Variants in PRKD1 observed in about 807,000 individuals in gnomAD.
PRKD1 encodes serine/threonine-protein kinase D1.
A neutral mutation model predicts 95.9 loss-of-function variants in PRKD1; 63 were observed. That is an observed-to-expected ratio of 0.66 (90% CI 0.54 to 0.81). The LOEUF (loss-of-function observed/expected upper bound fraction) is 0.81, where lower values mean the gene tolerates loss of function less well. Among genes scored for constraint, PRKD1 ranks in the 30% least tolerant of loss-of-function variants. The pLI, the probability that PRKD1 is intolerant of heterozygous loss-of-function variation, is 0.00. For missense variants in PRKD1, 1,048 were observed against 1,165.3 expected, an observed-to-expected ratio of 0.90 and a Z score of 1.47; for synonymous variants, 425 against 423.1, an observed-to-expected ratio of 1.00 and a Z score of -0.05.
chr14:29,610,273 A>G (rs1878363081), intron 13 of PRKD1, among the ~76,000 whole-genome samples: 1 of 152,224 alleles, frequency 6.6e-6, no homozygotes, highest in African/African-American at 2.4e-5. Context: ...TGTCTTTGTG[A>G]TATAGAACTA....
intron 1 of PRKD1, among the ~76,000 whole-genome samples, chr14:29,909,980 A>G (rs957208101): frequency 6.6e-6 from 1 of 152,168 alleles, no homozygotes; most frequent in Non-Finnish European, 1.5e-5. Context: ...AAAACAGACC[A>G]ATCAGCTCTC....
Position 29,663,691 on chromosome 14 carries a change from A to T in PRKD1, c.696+8T>A. ...TAAATGGGGAAGTGGGTAAACAGGAAGCCATACCAGAAGGGGCTCATCAGG... is the reference window on the plus strand; with the variant it reads ...TAAATGGGGAAGTGGGTAAACAGGATGCCATACCAGAAGGGGCTCATCAGG... On this transcript the variant is annotated splice_region_variant and intron_variant, in intron 4 of 17. Coordinates refer to ENST00000331968, the MANE Select transcript of PRKD1 (RefSeq NM_002742.3). 1 of 1,612,964 alleles carries T rather than the reference A, an allele frequency of 6.2e-7. No homozygotes were observed. The highest frequency in any genetic ancestry group is 2.2e-5 in the East Asian group (1 of 44,838).
intron 1 of PRKD1, among the ~76,000 whole-genome samples, chr14:29,778,453 G>T (rs983786920): frequency 6.6e-6 from 1 of 152,052 alleles, no homozygotes; most frequent in African/African-American, 2.4e-5. Context: ...TGATAACAGG[G>T]TTATCACCAC....
chr14:29,622,389 T>TTCCTTCCTTCC (rs1566492875), intron 13 of PRKD1, among the ~76,000 whole-genome samples: 1 of 13,130 alleles, frequency 7.6e-5, no homozygotes, highest in Admixed American at 6.8e-4. Flanking sequence ...TCCTTCCTTC[T>TTCCTTCCTTCC]TTCCTTCCTT....
At chr14:29,699,833 C>A (rs1884738091) in intron 2 of PRKD1, among the ~76,000 whole-genome samples, 1 of 152,120 alleles carries the variant, frequency 6.6e-6, no homozygotes, top group Admixed American at 6.5e-5. Flanking sequence ...ACAAATATAT[C>A]TCTTTCTGGA....
intron 1 of PRKD1, among the ~76,000 whole-genome samples, chr14:29,905,267 A>G (rs573009991): frequency 2.8e-4 from 43 of 152,194 alleles, no homozygotes; most frequent in African/African-American, 1.0e-3. Context: ...CATCATCAAG[A>G]GGGCCGGAAC....
intron 1 of PRKD1, among the ~76,000 whole-genome samples, chr14:29,747,257 G>A (rs1887267101): frequency 6.6e-6 from 1 of 152,082 alleles, no homozygotes; most frequent in African/African-American, 2.4e-5. Context: ...CATTAACAGT[G>A]CTAGGATGGC....
At chr14:29,923,997 T>C (rs1014690259) in intron 1 of PRKD1, among the ~76,000 whole-genome samples, 1 of 152,102 alleles carries the variant, frequency 6.6e-6, no homozygotes, top group South Asian at 2.1e-4. Context: ...CAAAGTGAAG[T>C]CAATGATTGT....
chr14:29,810,177 A>C (rs2139240614), intron 1 of PRKD1, among the ~76,000 whole-genome samples: 1 of 152,332 alleles, frequency 6.6e-6, no homozygotes, highest in Non-Finnish European at 1.5e-5. Context: ...AGATCACCAT[A>C]AAAATATAAT....
intron 1 of PRKD1, among the ~76,000 whole-genome samples, chr14:29,813,422 T>C (rs1471864519): frequency 6.6e-6 from 1 of 152,156 alleles, no homozygotes; most frequent in East Asian, 1.9e-4. Flanking sequence ...ACAAATATAA[T>C]AGGGAAAATC....
intron 13 of PRKD1, among the ~76,000 whole-genome samples, chr14:29,600,146 A>G (rs1320427729): frequency 6.6e-6 from 1 of 152,174 alleles, no homozygotes; most frequent in African/African-American, 2.4e-5. Context: ...TATTAAACAT[A>G]TTGTCCTAAC....
At chr14:29,839,479 C>A (rs1305057733) in intron 1 of PRKD1, among the ~76,000 whole-genome samples, 1 of 152,150 alleles carries the variant, frequency 6.6e-6, no homozygotes, top group Non-Finnish European at 1.5e-5. Context: ...GCAATACTCT[C>A]CGGGGTGCAC....
At chr14:29,620,484 A>G (rs1195188692) in intron 13 of PRKD1, among the ~76,000 whole-genome samples, 1 of 146,896 alleles carries the variant, frequency 6.8e-6, no homozygotes, top group Non-Finnish European at 1.5e-5. Context: ...TACAAGAAAA[A>G]AACAAACAAC....
chr14:29,629,660 G>T (rs1879854451), intron 10 of PRKD1, among the ~76,000 whole-genome samples: 1 of 149,390 alleles, frequency 6.7e-6, no homozygotes, highest in Admixed American at 6.6e-5. Context: ...AAAAATAAAT[G>T]ACTTTTTTAT....
intron 2 of PRKD1, among the ~76,000 whole-genome samples, chr14:29,693,090 A>C (rs1360646648): frequency 6.6e-6 from 1 of 152,168 alleles, no homozygotes; most frequent in Non-Finnish European, 1.5e-5. Flanking sequence ...GCAAATGAGA[A>C]ACATCTATTA....
intron 1 of PRKD1, among the ~76,000 whole-genome samples, chr14:29,879,147 C>T (rs1418959421): frequency 6.6e-6 from 1 of 152,190 alleles, no homozygotes; most frequent in Non-Finnish European, 1.5e-5. Context: ...CACCCAGCAC[C>T]TTGCACCAAA....
At chr14:29,734,243 T>C (rs1886608275) in intron 1 of PRKD1, among the ~76,000 whole-genome samples, 1 of 151,938 alleles carries the variant, frequency 6.6e-6, no homozygotes, top group African/African-American at 2.4e-5. Context: ...GGTTTCACCA[T>C]ATTGGCCAGG....
At chr14:29,724,296 C>T (rs1380852181) in intron 2 of PRKD1, among the ~76,000 whole-genome samples, 1 of 152,128 alleles carries the variant, frequency 6.6e-6, no homozygotes, top group Non-Finnish European at 1.5e-5. Context: ...TAAAACATTA[C>T]ATTATTTACA....
At chr14:29,730,949 GATA>G (rs535460506) in intron 1 of PRKD1, among the ~76,000 whole-genome samples, 134 of 151,998 alleles carry the variant, frequency 8.8e-4, no homozygotes, top group African/African-American at 3.2e-3. Flanking sequence ...GGTGACTATA[GATA>G]ATAATATTAT....
Sources: gnomAD v4.1 joint callset for allele counts (sites outside exome capture counted in the v4.1 genomes callset) on GRCh38, gnomAD v4.1.1 for gene constraint, MANE v1.5 for transcripts, NCBI Gene and HGNC (gene_info 2026-07-23, HGNC 2026-07-21) for gene names.